The following CDYL2 variants were observed in gnomAD, a reference collection of about 807,000 sequenced individuals.
The protein encoded by CDYL2 is chromodomain Y-like protein 2.
In CDYL2, 23 loss-of-function variants were observed where a neutral mutation model predicts 49.4. The observed-to-expected ratio is 0.47, with a 90% CI of 0.34 to 0.66. The LOEUF (loss-of-function observed/expected upper bound fraction) is 0.66. Ranked by LOEUF, CDYL2 falls within the 30% of genes least tolerant of loss-of-function variation. CDYL2 has a pLI of 0.01. For synonymous variants in CDYL2, 360 were observed against 268.8 expected (o/e 1.34, Z -3.32); for missense variants, 678 against 656.4 (o/e 1.03, Z -0.36).
At chr16:80,618,537 C>T (rs1395716542) in intron 4 of CDYL2, among the ~76,000 whole-genome samples, 7 of 152,182 alleles carry the variant, frequency 4.6e-5, no homozygotes, top group African/African-American at 1.2e-4. Flanking sequence ...AGGAACCATT[C>T]GGTGGGGGCT....
intron 1 of CDYL2, among the ~76,000 whole-genome samples, chr16:80,708,852 T>C (rs1036469755): frequency 2.0e-5 from 3 of 152,184 alleles, no homozygotes; most frequent in Non-Finnish European, 2.9e-5. Context: ...AGGAATCTGG[T>C]AATGATGAAA....
chr16:80,793,978 A>G (rs1907688750), intron 1 of CDYL2, among the ~76,000 whole-genome samples: 1 of 152,212 alleles, frequency 6.6e-6, no homozygotes, highest in Admixed American at 6.5e-5. Flanking sequence ...CTATGAAAGT[A>G]ATTATAACTG....
chr16:80,641,539 C>T (rs1044326801), intron 2 of CDYL2, among the ~76,000 whole-genome samples: 16 of 151,992 alleles, frequency 1.1e-4, no homozygotes, highest in Non-Finnish European at 1.9e-4. Flanking sequence ...AAATGTGGCA[C>T]ATATACACCG....
intron 1 of CDYL2, among the ~76,000 whole-genome samples, chr16:80,729,228 T>C (rs1905252978): frequency 6.6e-6 from 1 of 152,104 alleles, no homozygotes; most frequent in Non-Finnish European, 1.5e-5. Flanking sequence ...GAGACACACA[T>C]AGGCTCAAAA....
intron 1 of CDYL2, among the ~76,000 whole-genome samples, chr16:80,770,183 A>G (rs1258994039): frequency 6.6e-6 from 1 of 152,232 alleles, no homozygotes; most frequent in Non-Finnish European, 1.5e-5. Context: ...ATATTAAGCC[A>G]TGCAACATGA....
Position 80,786,497 on chromosome 16 carries a change from C to T in CDYL2, c.24+17653G>A, listed in dbSNP as rs143364533. 4.0e-4 allele frequency among the ~76,000 whole-genome samples: 61 copies of T among 152,288 alleles called. 1 individual carries two copies. The East Asian group carries it at 0.01, about 25-fold the overall frequency. ...TGGAGAGGTTGTGGAAAAATAGGAA[C>T]GCTTTTACACTGTCGATGGGAGTGT... On this transcript the variant is annotated intron_variant, in intron 1 of 6. Transcript: ENST00000570137.
chr16:80,797,502 G>A (rs1907800336), intron 1 of CDYL2, among the ~76,000 whole-genome samples: 1 of 152,164 alleles, frequency 6.6e-6, no homozygotes, highest in Non-Finnish European at 1.5e-5. Context: ...GGATTGTATG[G>A]AACTTCCAGA....
intron 1 of CDYL2, among the ~76,000 whole-genome samples, chr16:80,757,952 G>T (rs1367500800): frequency 6.6e-6 from 1 of 152,038 alleles, no homozygotes; most frequent in Admixed American, 6.6e-5. Context: ...TAAGATAACT[G>T]GGCTAGTGTA....
intron 3 of CDYL2, among the ~76,000 whole-genome samples, chr16:80,625,435 A>G (rs1907258976): frequency 2.6e-5 from 4 of 152,120 alleles, no homozygotes; most frequent in African/African-American, 9.7e-5. Context: ...AGTCTAGAAT[A>G]CTCTCTATTT....
intron 1 of CDYL2, among the ~76,000 whole-genome samples, chr16:80,691,654 A>G (rs1910419965): frequency 6.6e-6 from 1 of 152,238 alleles, no homozygotes. Context: ...ACATAAGAAC[A>G]TGATCATAAC....
At chr16:80,621,086 A>G (rs1416147760) in intron 3 of CDYL2, 151 bp from the exon 4 acceptor site, 10 of 808,644 alleles carry the variant, frequency 1.2e-5, no homozygotes, top group Admixed American at 6.7e-5. Flanking sequence ...CCTGAGTACA[A>G]GCAAGAGTCC....
At chr16:80,765,981 T>C (rs558596303) in intron 1 of CDYL2, among the ~76,000 whole-genome samples, 2 of 151,470 alleles carry the variant, frequency 1.3e-5, no homozygotes, top group African/African-American at 4.8e-5. Flanking sequence ...TTCTATTGTA[T>C]GATCACACAT....
At chr16:80,749,548 C>CA (rs201356657) in intron 1 of CDYL2, among the ~76,000 whole-genome samples, 2,523 of 150,396 alleles carry the variant, frequency 0.017, 38 homozygotes, top group African/African-American at 0.037. Flanking sequence ...TTTATCTTAG[C>CA]AAAAAAAAAT....
chr16:80,659,197 G>A (rs1908941225), intron 2 of CDYL2, among the ~76,000 whole-genome samples: 1 of 152,064 alleles, frequency 6.6e-6, no homozygotes, highest in Non-Finnish European at 1.5e-5. Flanking sequence ...TAACCTTGAA[G>A]AAACATTAGA....
At chr16:80,679,021 C>T (rs1254981785) in intron 2 of CDYL2, among the ~76,000 whole-genome samples, 1 of 147,150 alleles carries the variant, frequency 6.8e-6, no homozygotes, top group Admixed American at 6.9e-5. Flanking sequence ...AACAAAAAAC[C>T]AAACACTGCA....
intron 1 of CDYL2, among the ~76,000 whole-genome samples, chr16:80,701,017 T>C (rs1393336503): frequency 6.6e-6 from 1 of 152,212 alleles, no homozygotes; most frequent in Non-Finnish European, 1.5e-5. Context: ...TAAACACTGT[T>C]GGACAGGTAG....
chr16:80,725,639 A>G (rs1905139455), intron 1 of CDYL2, among the ~76,000 whole-genome samples: 1 of 152,230 alleles, frequency 6.6e-6, no homozygotes, highest in Admixed American at 6.5e-5. Flanking sequence ...AGCTACATGC[A>G]GAAGTTCCAG....
chr16:80,651,145 G>C (rs1306894907), intron 2 of CDYL2, among the ~76,000 whole-genome samples: 4 of 152,162 alleles, frequency 2.6e-5, no homozygotes, highest in South Asian at 4.2e-4. Context: ...AAATGCTTGA[G>C]AGGGTGGATA....
In CDYL2 at chr16:80,629,142, G is replaced by A. The variant is rs1907438029; in HGVS notation, c.834+3877C>T. Among the ~76,000 whole-genome samples the A allele has an allele frequency of 2.0e-5, 3 of 152,282 alleles. No homozygotes were observed. In the South Asian group the frequency reaches 6.2e-4, roughly 32 times the overall value. On this transcript the variant is annotated intron_variant, in intron 3 of 6. Transcript: ENST00000570137. ...TCTGACTGTCAGCCAGGGTAATCAG[G>A]AGCCATCGACACATTTGGTTGGGGA...
Sources: allele counts gnomAD v4.1 joint callset (sites outside exome capture counted in the v4.1 genomes callset), GRCh38; gene constraint gnomAD v4.1.1; transcripts MANE v1.5; gene names NCBI Gene and HGNC (gene_info 2026-07-23, HGNC 2026-07-21).